Variants in MTMR9 observed in about 807,000 individuals in gnomAD.
The protein encoded by MTMR9 is myotubularin related protein 9, also known as myotubularin-related protein 9.
In MTMR9, 39 loss-of-function variants were observed where a neutral mutation model predicts 69.5. The ratio of observed to expected loss-of-function variants is 0.56; its 90% CI spans 0.43 to 0.73. The LOEUF (loss-of-function observed/expected upper bound fraction) is 0.73, where lower values mean the gene tolerates loss of function less well. Among genes scored for constraint, MTMR9 ranks in the 30% least tolerant of loss-of-function variants. The pLI, the probability that MTMR9 is intolerant of heterozygous loss-of-function variation, is 0.00. For synonymous variants in MTMR9, 354 were observed against 240.8 expected (o/e 1.47, Z -4.35); for missense variants, 900 against 671.2 (o/e 1.34, Z -3.77).
At chr8:11,304,781 T>A in intron 3 of MTMR9, 60 bp from the exon 4 acceptor site, 1 of 1,547,126 alleles carries the variant, frequency 6.5e-7, no homozygotes, top group South Asian at 1.2e-5. Flanking sequence ...TTAAAATTTC[T>A]CAGATTATTT....
the MTMR9 span, among the ~76,000 whole-genome samples, chr8:11,336,309 C>T: frequency 6.6e-6 from 1 of 152,142 alleles, no homozygotes; most frequent in Non-Finnish European, 1.5e-5. Flanking sequence ...TATTTGGTTC[C>T]ATTTACCAGG....
downstream of MTMR9, chr8:11,330,915 A>T (rs1355594077): frequency 1.2e-3 from 613 of 502,340 alleles, 7 homozygotes; most frequent in African/African-American, 2.2e-4. Context: ...ATGATCAATT[A>T]AAAAAAAAAA....
chr8:11,286,736 C>G (rs1445964766), intron 1 of MTMR9, among the ~76,000 whole-genome samples: 1 of 149,534 alleles, frequency 6.7e-6, no homozygotes, highest in Non-Finnish European at 1.5e-5. Flanking sequence ...CTCAGTCATT[C>G]ATGGCATTCT....
the MTMR9 span, among the ~76,000 whole-genome samples, chr8:11,334,727 A>C: frequency 6.6e-6 from 1 of 152,220 alleles, no homozygotes; most frequent in East Asian, 1.9e-4. Context: ...AATGGAAAAA[A>C]GAATGATGTC....
At position 11,309,653 on chromosome 8, in the gene MTMR9, G is replaced by C; in HGVS notation, c.936G>C (p.Leu312=). Residue 312 remains leucine (L), a synonymous_variant, in exon 6 of 10, where the codon CTG becomes CTC. Coordinates refer to ENST00000221086, the MANE Select transcript of MTMR9 (RefSeq NM_015458.4). ...SNWLTHIKEI[L]TTACLAAQCI... ...GGCTGACTCACATCAAAGAGATTCT[G>C]ACAACTGCCTGCCTAGCGGCTCAGT... The C allele has an allele frequency of 4.3e-6, 7 of 1,613,952 alleles. No individual in the cohort carries two copies. The highest frequency in any genetic ancestry group is 5.9e-6 in the Non-Finnish European group (7 of 1,179,882).
chr8:11,338,390 GA>G, the MTMR9 span, among the ~76,000 whole-genome samples: 2 of 152,228 alleles, frequency 1.3e-5, no homozygotes, highest in Non-Finnish European at 2.9e-5. Context: ...CAGTGGTGGT[GA>G]CCTTTGTAGG....
At chr8:11,306,922 C>T (rs12115121) in intron 5 of MTMR9, among the ~76,000 whole-genome samples, 3,157 of 152,274 alleles carry the variant, frequency 0.021, 125 homozygotes, top group African/African-American at 0.073. Context: ...CTCTCTGTTT[C>T]TATGAGTTTA....
chr8:11,311,671 C>G (rs1800203149), intron 6 of MTMR9, among the ~76,000 whole-genome samples: 1 of 152,182 alleles, frequency 6.6e-6, no homozygotes, highest in Non-Finnish European at 1.5e-5. Context: ...GTGGTAGTTA[C>G]TGAAGCTTTG....
Position 11,327,924 on chromosome 8 carries a change from CT to C in MTMR9, c.*5137del, listed in dbSNP as rs1425232113. On this transcript the variant is annotated 3_prime_UTR_variant, in exon 10 of 10. Coordinates refer to ENST00000221086, the MANE Select transcript of MTMR9 (RefSeq NM_015458.4). ...AATATTCACTAGGTGATAATTTCCC[CT>C]GTACCCTATAACTGTAATCATTCAC... The C allele has an allele frequency of 6.6e-6, 1 of 152,212 alleles. No homozygotes were observed. The highest frequency in any genetic ancestry group is 2.4e-5 in the African/African-American group (1 of 41,424). 9.4% of individuals were successfully genotyped at this position (152,212 alleles called of 1,614,324 possible).
At chr8:11,296,550 C>T (rs1529855) in intron 2 of MTMR9, among the ~76,000 whole-genome samples, 3,403 of 152,258 alleles carry the variant, frequency 0.022, 124 homozygotes, top group African/African-American at 0.075. Flanking sequence ...TCCCCTCTCT[C>T]CAGCTCCTGA....
intron 1 of MTMR9, among the ~76,000 whole-genome samples, chr8:11,292,016 A>G (rs995649275): frequency 2.0e-5 from 3 of 152,026 alleles, no homozygotes; most frequent in Non-Finnish European, 4.4e-5. Flanking sequence ...TCACCCCCAT[A>G]AGTTTTGTGG....
chr8:11,290,529 A>T (rs550214994), intron 1 of MTMR9, among the ~76,000 whole-genome samples: 1 of 152,116 alleles, frequency 6.6e-6, no homozygotes, highest in African/African-American at 2.4e-5. Context: ...CCTGTCCCCA[A>T]ATCACCAGGA....
chr8:11,328,911 T>TA (rs1477567259), downstream of MTMR9, among the ~76,000 whole-genome samples: 1 of 152,250 alleles, frequency 6.6e-6, no homozygotes, highest in Non-Finnish European at 1.5e-5. Flanking sequence ...TTTTATAGTT[T>TA]AAAATCTTAC....
chr8:11,303,160 A>G (rs1176019905), intron 3 of MTMR9, among the ~76,000 whole-genome samples: 2 of 148,482 alleles, frequency 1.3e-5, no homozygotes, highest in Non-Finnish European at 3.0e-5. Context: ...TTTGAAGAAC[A>G]AAAAGGTGAG....
At chr8:11,293,906 A>G (rs1268096713) in intron 1 of MTMR9, among the ~76,000 whole-genome samples, 1 of 152,136 alleles carries the variant, frequency 6.6e-6, no homozygotes, top group African/African-American at 2.4e-5. Context: ...TTGATCTGTT[A>G]TCATCATGTC....
Position 11,306,403 on chromosome 8 carries a change from G to A in MTMR9, c.805G>A (p.Glu269Lys). The change falls in exon 5 of 10, where the codon GAG (glutamate) becomes AAG (lysine). Residue 269 changes from glutamate (E) to lysine (K), a missense_variant. Coordinates refer to ENST00000221086, the MANE Select transcript of MTMR9 (RefSeq NM_015458.4). ...GTGGAGGCGAATTCATAAGTCCATT[G>A]AGAGGTAAAAGATTCCAAAGATAGT... ...PQWRRIHKSI[E>K]RYHILQESLI... The A allele has an allele frequency of 6.2e-7, 1 of 1,613,720 alleles. No homozygotes were observed. Among genetic ancestry groups the A allele is most frequent in the Non-Finnish European group, 8.5e-7 (1 of 1,179,708 alleles).
At position 11,285,967 on chromosome 8, in the gene MTMR9, TTTTG is replaced by T. The variant is rs1448486803; in HGVS notation, c.182+898_182+901del. 6.2e-4 allele frequency among the ~76,000 whole-genome samples: 90 copies of T among 145,518 alleles called. 1 individual carries two copies. Among genetic ancestry groups the T allele is most frequent in the African/African-American group, 2.2e-3 (85 of 38,644 alleles). On this transcript the variant is annotated intron_variant, in intron 1 of 9. Transcript: ENST00000221086. ...TTCTTTCTTTTTTTTTTTTTTTTTT[TTTTG>T]GAGACGAAATCTCACTGTATTGCCC...
chr8:11,306,125 T>A, intron 4 of MTMR9, 65 bp from the exon 5 acceptor site: 1 of 1,391,754 alleles, frequency 7.2e-7, no homozygotes, highest in Non-Finnish European at 1.0e-6. Flanking sequence ...CTAGCTAATT[T>A]CTTTCTGTTT....
intron 4 of MTMR9, among the ~76,000 whole-genome samples, chr8:11,305,419 G>C (rs543094418): frequency 4.6e-5 from 7 of 152,284 alleles, no homozygotes; most frequent in African/African-American, 1.4e-4. Flanking sequence ...TATTTTCAAA[G>C]GTGAAAAGAG....
Sources: allele counts gnomAD v4.1 joint callset (sites outside exome capture counted in the v4.1 genomes callset), GRCh38; gene constraint gnomAD v4.1.1; transcripts MANE v1.5; gene names NCBI Gene and HGNC (gene_info 2026-07-23, HGNC 2026-07-21).